The following SND1 variants were observed in gnomAD, a reference collection of about 807,000 sequenced individuals.
SND1 encodes the protein staphylococcal nuclease domain-containing protein 1.
In SND1, 38 loss-of-function variants were observed where a neutral mutation model predicts 121.7. The observed-to-expected ratio is 0.31, with a 90% CI of 0.24 to 0.41. The LOEUF (loss-of-function observed/expected upper bound fraction) is 0.41. Ranked by LOEUF, SND1 falls within the 10% of genes least tolerant of loss-of-function variation. The pLI is 1.00. For missense variants in SND1, 868 were observed against 1,184.6 expected, an observed-to-expected ratio of 0.73 and a Z score of 3.92; for synonymous variants, 401 against 447.4, an observed-to-expected ratio of 0.90 and a Z score of 1.31.
intron 3 of SND1, among the ~76,000 whole-genome samples, chr7:127,695,559 C>G (rs1055653080): frequency 1.3e-5 from 2 of 152,154 alleles, no homozygotes; most frequent in Non-Finnish European, 2.9e-5. Context: ...AGGCCAGGCA[C>G]CGTGGCTCAC....
intron 7 of SND1, among the ~76,000 whole-genome samples, chr7:127,703,774 G>C (rs942250845): frequency 8.5e-5 from 13 of 152,156 alleles, no homozygotes; most frequent in Admixed American, 3.9e-4. Flanking sequence ...TTTCTAGGGA[G>C]TTATCATTTG....
At chr7:127,776,432 CAG>C (rs1797621780) in intron 10 of SND1, among the ~76,000 whole-genome samples, 1 of 151,864 alleles carries the variant, frequency 6.6e-6, no homozygotes. Context: ...TGTGTAACAT[CAG>C]AGACAAGATT....
At chr7:127,698,108 A>G (rs942329040) in intron 3 of SND1, among the ~76,000 whole-genome samples, 2 of 152,010 alleles carry the variant, frequency 1.3e-5, no homozygotes, top group South Asian at 2.1e-4. Context: ...GTTTAACTTT[A>G]TTTTTCTTGC....
At chr7:127,768,943 A>G (rs2116493420) in intron 10 of SND1, among the ~76,000 whole-genome samples, 1 of 152,314 alleles carries the variant, frequency 6.6e-6, no homozygotes, top group South Asian at 2.1e-4. Context: ...ATCAATATTT[A>G]AAGTTATTTC....
chr7:127,786,145 A>G (rs900048737), intron 10 of SND1, among the ~76,000 whole-genome samples: 2 of 151,876 alleles, frequency 1.3e-5, no homozygotes, highest in African/African-American at 4.8e-5. Flanking sequence ...AATTATCCTT[A>G]AAGACCCAGG....
intron 15 of SND1, among the ~76,000 whole-genome samples, chr7:127,957,947 C>A (rs1196894765): frequency 1.3e-5 from 2 of 152,344 alleles, no homozygotes; most frequent in East Asian, 1.9e-4. Flanking sequence ...AGCATTCCAC[C>A]TGCCTCGGCC....
At chr7:127,696,085 T>G (rs947288847) in intron 3 of SND1, among the ~76,000 whole-genome samples, 1 of 152,206 alleles carries the variant, frequency 6.6e-6, no homozygotes, top group African/African-American at 2.4e-5. Flanking sequence ...GAATTTTTTT[T>G]AAGTTTCCTT....
At chr7:127,808,532 A>G (rs1198654826) in intron 11 of SND1, among the ~76,000 whole-genome samples, 1 of 152,216 alleles carries the variant, frequency 6.6e-6, no homozygotes, top group Non-Finnish European at 1.5e-5. Flanking sequence ...AATTATAAAT[A>G]CAACCATTTT....
At chr7:127,780,079 G>T (rs190938689) in intron 10 of SND1, among the ~76,000 whole-genome samples, 1 of 152,184 alleles carries the variant, frequency 6.6e-6, no homozygotes, top group Non-Finnish European at 1.5e-5. Context: ...CATGCAGATG[G>T]TTCCTTGAAG....
chr7:127,880,944 A>G (rs117052183), intron 12 of SND1, among the ~76,000 whole-genome samples: 2,147 of 152,166 alleles, frequency 0.014, 34 homozygotes, highest in Non-Finnish European at 0.018. Context: ...CAGAAATGCA[A>G]TTGTCTTAAA....
intron 17 of SND1, among the ~76,000 whole-genome samples, chr7:128,075,272 G>A (rs116504062): frequency 0.033 from 4,976 of 152,268 alleles, 208 homozygotes; most frequent in African/African-American, 0.092. Context: ...GGTGGGAGCC[G>A]GGCTCACCCA....
chr7:127,707,617 G>A lies in SND1; in HGVS notation c.1008G>A (p.Leu336=), dbSNP rs752261919. The change falls in exon 9 of 24, where the codon TTG becomes TTA. Residue 336 remains leucine (L), a synonymous_variant. Transcript: ENST00000354725. ...ACTATGTGGCTCCCACAGCTAATTT[G>A]GACCAAAAGGACAAGCAGTTTGTTG... ...WRDYVAPTAN[L]DQKDKQFVAK... The A allele has an allele frequency of 1.2e-6, 2 of 1,614,042 alleles. No individual in the cohort carries two copies. The highest frequency in any genetic ancestry group is 4.5e-5 in the East Asian group (2 of 44,874).
Position 127,712,901 on chromosome 7 carries a change from T to G in SND1, c.1038+5254T>G, listed in dbSNP as rs188215789. Among the ~76,000 whole-genome samples, 24 of 152,386 alleles carry G rather than the reference T, an allele frequency of 1.6e-4. No individual in the cohort carries two copies. The East Asian group carries it at 4.6e-3, about 29-fold the overall frequency. ...TGACCAGTCTCTAATAGGTTTATAT[T>G]CATGTAGTTGAGAATTTTTTTCGTT... On this transcript the variant is annotated intron_variant, in intron 9 of 23. Coordinates refer to ENST00000354725, the MANE Select transcript of SND1 (RefSeq NM_014390.4).
intron 2 of SND1, among the ~76,000 whole-genome samples, chr7:127,691,656 G>A (rs919690421): frequency 7.9e-5 from 12 of 151,750 alleles, no homozygotes; most frequent in African/African-American, 2.9e-4. Context: ...TTTGTCGCCC[G>A]GGCTGGAGTG....
Position 128,091,990 on chromosome 7 carries a change from C to G in SND1, c.2668-3C>G. On this transcript the variant is annotated splice_region_variant and splice_polypyrimidine_tract_variant and intron_variant, in intron 23 of 23. Transcript: ENST00000354725. ...AAGAGCTATTGTCTGTTTTTTCTTACAGCTGAACCTGTGGCGCTATGGAGA... is the reference window on the plus strand; with the variant it reads ...AAGAGCTATTGTCTGTTTTTTCTTAGAGCTGAACCTGTGGCGCTATGGAGA... 6.2e-7 allele frequency: 1 copy of G among 1,614,180 alleles called. No individual in the cohort carries two copies. The highest frequency in any genetic ancestry group is 8.5e-7 in the Non-Finnish European group (1 of 1,180,012).
chr7:127,741,918 G>A (rs1369842165), intron 10 of SND1, among the ~76,000 whole-genome samples: 1 of 152,114 alleles, frequency 6.6e-6, no homozygotes, highest in African/African-American at 2.4e-5. Context: ...GCTGGGCTCT[G>A]TTACATTGTT....
intron 10 of SND1, among the ~76,000 whole-genome samples, chr7:127,747,696 G>A (rs1797006633): frequency 6.6e-6 from 1 of 152,094 alleles, no homozygotes. Context: ...CCCACAGCAT[G>A]GTATTTTCTT....
chr7:128,023,217 C>G (rs973608957), intron 16 of SND1, among the ~76,000 whole-genome samples: 2 of 152,172 alleles, frequency 1.3e-5, no homozygotes, highest in African/African-American at 4.8e-5. Flanking sequence ...GTCTGCCTTT[C>G]TTTTCTCCTA....
chr7:127,900,637 C>T (rs868180591), intron 13 of SND1, among the ~76,000 whole-genome samples: 14 of 152,162 alleles, frequency 9.2e-5, no homozygotes, highest in African/African-American at 3.1e-4. Flanking sequence ...CAGAGTTTTC[C>T]AGTGGTCTGA....
Sources: gnomAD v4.1 joint callset for allele counts (sites outside exome capture counted in the v4.1 genomes callset) on GRCh38, gnomAD v4.1.1 for gene constraint, MANE v1.5 for transcripts, NCBI Gene and HGNC (gene_info 2026-07-23, HGNC 2026-07-21) for gene names.